Variants in CCDC81 observed in about 807,000 individuals in gnomAD.
CCDC81 encodes the protein coiled-coil domain containing 81, also known as coiled-coil domain-containing protein 81.
Under a neutral mutation model 83.7 loss-of-function variants are expected in CCDC81, and 79 were observed. The ratio of observed to expected loss-of-function variants is 0.94; its 90% CI spans 0.79 to 1.14. The LOEUF is 1.14. Among genes scored for constraint, CCDC81 ranks in the 50% most tolerant of loss-of-function variants. The pLI, the probability that CCDC81 is intolerant of heterozygous loss-of-function variation, is 0.00. For synonymous variants in CCDC81, 252 were observed against 278.1 expected (o/e 0.91, Z 0.93); for missense variants, 791 against 778.1 (o/e 1.02, Z -0.20).
intron 6 of CCDC81, 39 bp downstream of exon 6, chr11:86,397,781 A>C: frequency 1.3e-6 from 2 of 1,599,174 alleles, no homozygotes; most frequent in Non-Finnish European, 1.7e-6. Context: ...GTCACTCTTT[A>C]CTGCTATGAG....
chr11:86,419,044 G>A (rs183666163), intron 13 of CCDC81: 2 of 152,240 alleles, frequency 1.3e-5, no homozygotes, highest in East Asian at 3.9e-4. Context: ...AGATGAAAAG[G>A]TGTGCCGTTT....
chr11:86,402,200 C>T (rs534834689), intron 7 of CCDC81, among the ~76,000 whole-genome samples: 7 of 148,914 alleles, frequency 4.7e-5, no homozygotes, highest in Non-Finnish European at 7.4e-5. Context: ...TAAAACAACA[C>T]GTTTATCATA....
chr11:86,398,280 A>G (rs374971916), intron 6 of CCDC81, among the ~76,000 whole-genome samples: 14 of 152,266 alleles, frequency 9.2e-5, no homozygotes, highest in Admixed American at 4.6e-4. Flanking sequence ...CTGGCTCCCC[A>G]TTGCTCAAAG....
chr11:86,417,645 A>C (rs1948739244), intron 13 of CCDC81, among the ~76,000 whole-genome samples: 7 of 152,154 alleles, frequency 4.6e-5, no homozygotes, highest in Admixed American at 4.6e-4. Context: ...TTTTGTATTA[A>C]ACATTTTTAA....
Position 86,409,293 on chromosome 11 carries a change from G to A in CCDC81, c.1146G>A (p.Gln382=). The A allele has an allele frequency of 6.5e-7, 1 of 1,529,206 alleles. No individual in the cohort carries two copies. Among genetic ancestry groups the A allele is most frequent in the Non-Finnish European group, 8.8e-7 (1 of 1,141,412 alleles). The allele number at this position is 1,529,206 out of a possible 1,614,324, so 94.7% of individuals were successfully genotyped here. A position where few individuals can be genotyped will look rare whatever the true frequency, so the allele number is the denominator to read the frequency against. ...GTCTGGCTACTAGAGAACAGAATCA[G>A]AAAAATGCTGCCTATAATCTTGGAG... ...MKSLATREQN[Q]KNAAYNLGVA... is the part of the protein sequence containing the mutation. Residue 382 remains glutamine, a synonymous_variant, in exon 10 of 15, where the codon CAG becomes CAA. Transcript: ENST00000445632.
intron 3 of CCDC81, among the ~76,000 whole-genome samples, chr11:86,389,803 ATAAT>A (rs1239031410): frequency 1.3e-5 from 2 of 152,234 alleles, no homozygotes; most frequent in Non-Finnish European, 2.9e-5. Context: ...TCTAGCATAG[ATAAT>A]TAATATATAA....
At chr11:86,395,211 G>A (rs1043441057) in intron 4 of CCDC81, 123 bp from the exon 5 acceptor site, 9 of 670,496 alleles carry the variant, frequency 1.3e-5, no homozygotes, top group African/African-American at 7.3e-5. Context: ...ACTTATAAGC[G>A]CTTAACATAA....
chr11:86,400,692 A>G lies in CCDC81; in HGVS notation c.772A>G (p.Lys258Glu), dbSNP rs684245. 13 of 1,610,358 alleles carry G rather than the reference A, an allele frequency of 8.1e-6. No homozygotes were observed. In the East Asian group the frequency reaches 2.7e-4, roughly 33 times the overall value. The change falls in exon 7 of 15, where the codon AAA (lysine) becomes GAA (glutamate). Residue 258 changes from lysine (K) to glutamate (E), a missense_variant. Coordinates refer to ENST00000445632, the MANE Select transcript of CCDC81 (RefSeq NM_001156474.2). ...TTATTCTACAGATATCTCATCACCC[A>G]AAAGACTTCGAGATAGACAAGCTTT... ...EEGTRDISSPKRLRDRQALFP... is the reference protein window; with the variant it reads ...EEGTRDISSPERLRDRQALFP...
At chr11:86,412,311 TTATC>T (rs1948653983) in intron 10 of CCDC81, 72 bp from the exon 11 acceptor site, 1 of 1,149,134 alleles carries the variant, frequency 8.7e-7, no homozygotes, top group Non-Finnish European at 1.2e-6. Flanking sequence ...ACTTTCTGAT[TTATC>T]TTAGTCTTCT....
intron 13 of CCDC81, among the ~76,000 whole-genome samples, chr11:86,417,421 A>T (rs1440805078): frequency 6.6e-6 from 1 of 152,034 alleles, no homozygotes; most frequent in Non-Finnish European, 1.5e-5. Flanking sequence ...ATATGCACAT[A>T]TATTTTTCCT....
At chr11:86,404,125 T>C (rs1948532296) in intron 7 of CCDC81, among the ~76,000 whole-genome samples, 1 of 152,166 alleles carries the variant, frequency 6.6e-6, no homozygotes, top group African/African-American at 2.4e-5. Flanking sequence ...TTGAGACATA[T>C]TTCTTATTAC....
intron 10 of CCDC81, among the ~76,000 whole-genome samples, chr11:86,410,090 T>A (rs577965876): frequency 2.6e-5 from 4 of 152,318 alleles, no homozygotes; most frequent in Non-Finnish European, 4.4e-5. Context: ...CCAGGTGATT[T>A]GTATTTGCAT....
intron 6 of CCDC81, among the ~76,000 whole-genome samples, chr11:86,399,716 A>G (rs1196513336): frequency 6.6e-6 from 1 of 150,816 alleles, no homozygotes; most frequent in Non-Finnish European, 1.5e-5. Context: ...CTTTCAATCT[A>G]TCTCCATCCT....
chr11:86,387,519 G>A lies in CCDC81; in HGVS notation c.145G>A (p.Val49Ile). 1 of 1,613,668 alleles carries A rather than the reference G, an allele frequency of 6.2e-7. No individual in the cohort carries two copies. Among genetic ancestry groups the A allele is most frequent in the Non-Finnish European group, 8.5e-7 (1 of 1,179,906 alleles). ...TTGTTTTGTTTTTTCCTTTCAGGGG[G>A]TTCAGATTCCAGCATTTGGAACTTT... ...VRRQLTLHKG[V>I]QIPAFGTFTF... is the part of the protein sequence containing the mutation. The change falls in exon 3 of 15, where the codon GTT becomes ATT. Residue 49 changes from valine (V) to isoleucine (I), a missense_variant. Physicochemically the swap from Val to Ile is conservative, Grantham distance 29 (BLOSUM62 3). Coordinates refer to ENST00000445632, the MANE Select transcript of CCDC81 (RefSeq NM_001156474.2).
At chr11:86,401,803 A>G (rs1405218322) in intron 7 of CCDC81, among the ~76,000 whole-genome samples, 1 of 152,206 alleles carries the variant, frequency 6.6e-6, no homozygotes. Context: ...AAGGTTTCCT[A>G]TAGAAGTTGA....
intron 1 of CCDC81, among the ~76,000 whole-genome samples, chr11:86,376,443 G>A (rs1948099326): frequency 5.3e-5 from 8 of 152,098 alleles, no homozygotes; most frequent in Admixed American, 5.2e-4. Context: ...TTAAAATCAT[G>A]GCAGAAGGGG....
intron 5 of CCDC81, 146 bp downstream of exon 5, chr11:86,395,559 A>G (rs901102247): frequency 2.1e-5 from 13 of 633,418 alleles, no homozygotes; most frequent in African/African-American, 2.0e-4. Context: ...ATCCACCAAC[A>G]AAGAAGAGTT....
intron 3 of CCDC81, 95 bp from the exon 4 acceptor site, chr11:86,392,446 T>A (rs556213760): frequency 1.5e-6 from 2 of 1,375,482 alleles, no homozygotes; most frequent in Non-Finnish European, 1.9e-6. Flanking sequence ...TTTTAGGGCA[T>A]TGAGAATCAG....
chr11:86,375,825 G>C (rs891552597), intron 1 of CCDC81, among the ~76,000 whole-genome samples: 1 of 152,146 alleles, frequency 6.6e-6, no homozygotes. Context: ...GCTGAGATCT[G>C]TCTGCAAACC....
Sources: gnomAD v4.1 joint callset for allele counts (sites outside exome capture counted in the v4.1 genomes callset) on GRCh38, gnomAD v4.1.1 for gene constraint, MANE v1.5 for transcripts, NCBI Gene and HGNC (gene_info 2026-07-23, HGNC 2026-07-21) for gene names.